The following POMT2 variants were observed in gnomAD, a reference collection of about 807,000 sequenced individuals.
POMT2 encodes protein O-mannosyl-transferase 2.
A neutral mutation model predicts 100.0 loss-of-function variants in POMT2; 75 were observed. The ratio of observed to expected loss-of-function variants is 0.75; its 90% CI spans 0.62 to 0.91. The LOEUF is 0.91. Ranked by LOEUF, POMT2 falls within the 40% of genes least tolerant of loss-of-function variation. The probability of loss-of-function intolerance (pLI) is 0.00; values close to 1 mark genes in which losing one functional copy is unlikely to be tolerated. For missense variants in POMT2, 940 were observed against 955.1 expected (o/e 0.98, Z 0.21); for synonymous variants, 378 against 374.1 (o/e 1.01, Z -0.12).
chr14:77,280,268 G>A (rs1890166283), intron 16 of POMT2, 124 bp downstream of exon 16: 8 of 1,561,618 alleles, frequency 5.1e-6, no homozygotes, highest in Non-Finnish European at 6.9e-6. Flanking sequence ...TCCCACCTCT[G>A]GCCAACCCAT....
intron 1 of POMT2, among the ~76,000 whole-genome samples, chr14:77,319,901 C>T (rs1400578903): frequency 1.3e-5 from 2 of 152,236 alleles, no homozygotes; most frequent in African/African-American, 4.8e-5. Context: ...CACCCAGTAT[C>T]TGGATAGTAC....
At position 77,306,404 on chromosome 14, in the gene POMT2, T is replaced by C. The variant is rs1891231133; in HGVS notation, c.371A>G (p.Asp124Gly). The C allele has an allele frequency of 6.2e-7, 1 of 1,612,970 alleles. No homozygotes were observed. Among genetic ancestry groups the C allele is most frequent in the Admixed American group, 1.7e-5 (1 of 59,994 alleles). ...AGGCTTCTGGAACAAAAAGGTACCA[T>C]CATATCCACTCAGGTAGCCAGCAAG... The part of the protein sequence containing the change: ...IGLAGYLSGY[D>G]GTFLFQKPGD... Residue 124 changes from aspartate (D) to glycine (G), a missense_variant, in exon 3 of 21, where the codon GAT becomes GGT. Transcript: ENST00000261534.
Position 77,277,498 on chromosome 14 carries a change from G to T in POMT2, c.2148-17C>A, listed in dbSNP as rs201328470. On this transcript the variant is annotated splice_polypyrimidine_tract_variant and intron_variant, in intron 20 of 20. Transcript: ENST00000261534. ...AGGTAGAAGCTGTGAGAGAGAACCA[G>T]TAGGAGGCAGTTGGCACCCCCAGTG... 1 of 1,581,638 alleles carries T rather than the reference G, an allele frequency of 6.3e-7. No homozygotes were observed. The highest frequency in any genetic ancestry group is 1.7e-5 in the Admixed American group (1 of 59,982).
At position 77,304,782 on chromosome 14, in the gene POMT2, A is replaced by T; in HGVS notation, c.457T>A (p.Ser153Thr). The T allele has an allele frequency of 6.3e-7, 1 of 1,596,210 alleles. No homozygotes were observed. The highest frequency in any genetic ancestry group is 8.5e-7 in the Non-Finnish European group (1 of 1,171,936). Residue 153 changes from serine to threonine, a missense_variant, in exon 4 of 21, where the codon TCC becomes ACC. Ser to Thr is a moderately conservative substitution (Grantham distance 58). Transcript: ENST00000261534. ...GMRGFCAFLG[S>T]WLVPFAYLTV... ...AGGTAGGCAAAGGGGACCAGCCAGG[A>T]GCCAAGGAATGCACAGAACTGTGGG...
chr14:77,304,631 GCTA>G (rs1891160899), intron 4 of POMT2, 58 bp downstream of exon 4: 8 of 1,545,810 alleles, frequency 5.2e-6, no homozygotes, highest in Middle Eastern at 2.2e-4. Context: ...CTGATTTTCA[GCTA>G]CATTCACGGA....
At chr14:77,314,160 T>A (rs543826652) in intron 1 of POMT2, among the ~76,000 whole-genome samples, 15 of 152,362 alleles carry the variant, frequency 9.8e-5, no homozygotes, top group African/African-American at 3.6e-4. Flanking sequence ...CCAAGAATGC[T>A]GTTTGCAGTA....
At chr14:77,297,855 G>C (rs1230245273) in intron 8 of POMT2, among the ~76,000 whole-genome samples, 1 of 152,036 alleles carries the variant, frequency 6.6e-6, no homozygotes, top group African/African-American at 2.4e-5. Flanking sequence ...TCCCCAGCCA[G>C]CCTCGACTCT....
At chr14:77,303,599 C>A (rs972024557) in intron 4 of POMT2, among the ~76,000 whole-genome samples, 16 of 152,084 alleles carry the variant, frequency 1.1e-4, no homozygotes, top group African/African-American at 3.9e-4. Flanking sequence ...CACACCAGAA[C>A]TACAGTACAT....
intron 1 of POMT2, among the ~76,000 whole-genome samples, chr14:77,317,783 T>C (rs1891684108): frequency 6.6e-6 from 1 of 152,156 alleles, no homozygotes; most frequent in Non-Finnish European, 1.5e-5. Flanking sequence ...TCATCTTTCT[T>C]CCCCCTTACA....
intron 11 of POMT2, chr14:77,287,135 T>C: frequency 2.7e-6 from 1 of 376,624 alleles, no homozygotes; most frequent in South Asian, 2.2e-5. Flanking sequence ...TTTGAAGCAC[T>C]TAGCTTGCCT....
intron 2 of POMT2, among the ~76,000 whole-genome samples, chr14:77,307,919 G>C (rs1001228348): frequency 6.9e-6 from 1 of 145,160 alleles, no homozygotes; most frequent in African/African-American, 2.5e-5. Flanking sequence ...CTGGAGTGCG[G>C]TGGCACAATC....
chr14:77,280,248 A>G (rs1375422919), intron 16 of POMT2, 144 bp downstream of exon 16: 2 of 1,555,754 alleles, frequency 1.3e-6, no homozygotes, highest in African/African-American at 2.7e-5. Flanking sequence ...TTAGGGCAGA[A>G]AACAGATACT....
At position 77,288,777 on chromosome 14, in the gene POMT2, C is replaced by G. The variant is rs190285831; in HGVS notation, c.1238G>C (p.Arg413Pro). The G allele has an allele frequency of 4.1e-5, 66 of 1,613,642 alleles. No homozygotes were observed. Among genetic ancestry groups the G allele is most frequent in the Non-Finnish European group, 5.3e-5 (62 of 1,179,774 alleles). The change falls in exon 11 of 21, where the codon CGA becomes CCA. Residue 413 changes from arginine to proline, a missense_variant. By Grantham distance (103) the Arg-to-Pro change is moderately radical (BLOSUM62 -2). Coordinates refer to ENST00000261534, the MANE Select transcript of POMT2 (RefSeq NM_013382.7). ...ATTGACTTACTCTTTGTGTTCTAGT[C>G]GAATAATGTCTCCATGTCTTACAAA... ...VEFVRHGDII[R>P]LEHKETSRNL...
intron 10 of POMT2, among the ~76,000 whole-genome samples, chr14:77,289,338 C>A (rs1372050314): frequency 6.6e-6 from 1 of 151,790 alleles, no homozygotes; most frequent in Non-Finnish European, 1.5e-5. Context: ...TTGCAGTAAG[C>A]CGAGATTGCG....
Position 77,275,210 on chromosome 14 carries a change from C to CA in POMT2, c.*2165dup, listed in dbSNP as rs1889892148. 6.6e-6 allele frequency: 1 copy of CA among 152,278 alleles called. No homozygotes were observed. The highest frequency in any genetic ancestry group is 2.1e-4 in the South Asian group (1 of 4,828). 9.4% of individuals were successfully genotyped at this position (152,278 alleles called of 1,614,324 possible). A position where few individuals can be genotyped will look rare whatever the true frequency, so the allele number is the denominator to read the frequency against. Reference sequence around the variant, plus strand: ...AGAACCTGAGCACTCAAAGCTGCATCAGCCCATGTGGCCTTGCTCCCAGAG... The same window carrying CA: ...AGAACCTGAGCACTCAAAGCTGCATCAAGCCCATGTGGCCTTGCTCCCAGAG... On this transcript the variant is annotated 3_prime_UTR_variant, in exon 21 of 21. Coordinates refer to ENST00000261534, the MANE Select transcript of POMT2 (RefSeq NM_013382.7).
Position 77,286,934 on chromosome 14 carries a change from C to A in POMT2, c.1254-112G>T, listed in dbSNP as rs1212419381. ...CTGTCAGGATAAGAAAAATTAGAATCTGAACTATTAAATCCAACATATCAG... is the reference window on the plus strand; with the variant it reads ...CTGTCAGGATAAGAAAAATTAGAATATGAACTATTAAATCCAACATATCAG... On this transcript the variant is annotated intron_variant, in intron 11 of 20. Transcript: ENST00000261534. The A allele has an allele frequency of 2.6e-6, 4 of 1,557,772 alleles. No homozygotes were observed. The African/African-American group carries it at 4.1e-5, about 16-fold the overall frequency.
chr14:77,287,104 G>C (rs1037369547), intron 11 of POMT2: 2 of 446,428 alleles, frequency 4.5e-6, no homozygotes, highest in Non-Finnish European at 8.0e-6. Flanking sequence ...GGTGGGGGGC[G>C]ACTTTCACAC....
chr14:77,285,044 G>A lies in POMT2; in HGVS notation c.1485-3C>T, dbSNP rs754892193. The A allele has an allele frequency of 1.6e-5, 25 of 1,604,218 alleles. No homozygotes were observed. Among genetic ancestry groups the A allele is most frequent in the Admixed American group, 1.5e-4 (9 of 59,970 alleles). ...TAACTTCCAACTGCTCCCAGCCCCT[G>A]TGAAAAGCAGAAGTCACAGATGTCT... On this transcript the variant is annotated splice_region_variant and splice_polypyrimidine_tract_variant and intron_variant, in intron 13 of 20. Coordinates refer to ENST00000261534, the MANE Select transcript of POMT2 (RefSeq NM_013382.7).
rs1212129575 is a variant in POMT2, at chr14:77,320,497, G to C, written c.185C>G (p.Ala62Gly). Residue 62 changes from alanine to glycine, a missense_variant, in exon 1 of 21, where the codon GCC (alanine) becomes GGC (glycine). By Grantham distance (60) the Ala-to-Gly change is moderately conservative. Coordinates refer to ENST00000261534, the MANE Select transcript of POMT2 (RefSeq NM_013382.7). ...GGCGAAGGACAGCAGCGTCACCAAGGCCAGCAGGGCCCACCAGCCGACCGC... is the reference window on the plus strand; with the variant it reads ...GGCGAAGGACAGCAGCGTCACCAAGCCCAGCAGGGCCCACCAGCCGACCGC... Reference protein sequence around the residue: ...FEAVGWWALLALVTLLSFATR... With the variant: ...FEAVGWWALLGLVTLLSFATR... 2.6e-6 allele frequency: 4 copies of C among 1,546,402 alleles called. No individual in the cohort carries two copies. The Admixed American group carries it at 7.7e-5, about 30-fold the overall frequency.
Sources: allele counts gnomAD v4.1 joint callset (sites outside exome capture counted in the v4.1 genomes callset), GRCh38; gene constraint gnomAD v4.1.1; transcripts MANE v1.5; gene names NCBI Gene and HGNC (gene_info 2026-07-23, HGNC 2026-07-21).